The following ATP13A5 variants were observed in gnomAD, a reference collection of about 807,000 sequenced individuals.
ATP13A5 encodes the protein probable cation-transporting ATPase 13A5.
Under a neutral mutation model 150.2 loss-of-function variants are expected in ATP13A5, and 149 were observed. The ratio of observed to expected loss-of-function variants is 0.99; its 90% confidence interval spans 0.87 to 1.14. The LOEUF (loss-of-function observed/expected upper bound fraction) is 1.14, where lower values mean the gene tolerates loss of function less well. Among genes scored for constraint, ATP13A5 ranks in the 50% most tolerant of loss-of-function variants. ATP13A5 has a pLI of 0.00. For synonymous variants in ATP13A5, 497 were observed against 522.2 expected (o/e 0.95, Z 0.66); for missense variants, 1,383 against 1,449.3 (o/e 0.95, Z 0.74).
Position 193,378,684 on chromosome 3 carries a change from G to A in ATP13A5, c.42C>T (p.Asn14=), listed in dbSNP as rs886341859. The A allele has an allele frequency of 1.2e-6, 2 of 1,613,906 alleles. No homozygotes were observed. The highest frequency in any genetic ancestry group is 1.3e-5 in the African/African-American group (1 of 75,018). ...NSKKDHRALL[N]QGEEDELEVF... is the part of the protein sequence containing the mutation. The stretch of plus-strand genomic sequence containing the variant: ...TCACCAGTTCATCCTCCTCTCCCTG[G>A]TTGAGCAAAGCCCGATGGTCCTTCT... The change falls in exon 1 of 30, where the codon AAC becomes AAT. Residue 14 remains asparagine (N), a synonymous_variant. Coordinates refer to ENST00000342358, the MANE Select transcript of ATP13A5 (RefSeq NM_198505.4).
chr3:193,325,490 T>C (rs1412623096), intron 13 of ATP13A5, among the ~76,000 whole-genome samples: 1 of 152,168 alleles, frequency 6.6e-6, no homozygotes, highest in Non-Finnish European at 1.5e-5. Flanking sequence ...ACTTTTTTCA[T>C]ATTACTTGAA....
chr3:193,293,656 T>G (rs73888243), intron 25 of ATP13A5, among the ~76,000 whole-genome samples: 4,380 of 152,170 alleles, frequency 0.029, 205 homozygotes, highest in African/African-American at 0.1. Context: ...AAGTAGTTGG[T>G]TTACTTTTTA....
chr3:193,338,709 T>C (rs1011293083), intron 9 of ATP13A5, among the ~76,000 whole-genome samples: 2 of 152,162 alleles, frequency 1.3e-5, no homozygotes, highest in African/African-American at 4.8e-5. Context: ...TTTTGTTGTG[T>C]CTCTGCCAGG....
At chr3:193,309,619 G>A (rs748682518) in intron 21 of ATP13A5, among the ~76,000 whole-genome samples, 24 of 152,280 alleles carry the variant, frequency 1.6e-4, no homozygotes, top group South Asian at 6.2e-4. Flanking sequence ...AGCAACATCC[G>A]TCTTGTGTGC....
intron 25 of ATP13A5, among the ~76,000 whole-genome samples, chr3:193,297,102 T>G (rs1174113541): frequency 6.6e-6 from 1 of 152,068 alleles, no homozygotes; most frequent in African/African-American, 2.4e-5. Flanking sequence ...ATCCTGCACA[T>G]GTACCCTGGA....
chr3:193,340,140 T>A (rs758819464), intron 9 of ATP13A5, among the ~76,000 whole-genome samples: 3 of 152,198 alleles, frequency 2.0e-5, no homozygotes, highest in African/African-American at 4.8e-5. Context: ...CATAATCAAC[T>A]GTACATTTGG....
At chr3:193,355,372 G>T (rs962356639) in intron 5 of ATP13A5, among the ~76,000 whole-genome samples, 2 of 152,038 alleles carry the variant, frequency 1.3e-5, no homozygotes, top group Non-Finnish European at 1.5e-5. Context: ...CTCAAGCTCC[G>T]ATAAACCAAG....
chr3:193,342,813 C>T (rs1021505785), intron 9 of ATP13A5, among the ~76,000 whole-genome samples: 1 of 152,164 alleles, frequency 6.6e-6, no homozygotes, highest in Non-Finnish European at 1.5e-5. Flanking sequence ...CACTGTCAGG[C>T]TGCTGGGAGG....
intron 1 of ATP13A5, among the ~76,000 whole-genome samples, chr3:193,375,325 C>G (rs2108587732): frequency 6.6e-6 from 1 of 152,354 alleles, no homozygotes; most frequent in East Asian, 1.9e-4. Flanking sequence ...CAACCCAGGT[C>G]AGCCTGAAGC....
intron 5 of ATP13A5, among the ~76,000 whole-genome samples, chr3:193,355,697 C>T (rs532677033): frequency 4.6e-5 from 7 of 152,322 alleles, no homozygotes; most frequent in Non-Finnish European, 1.0e-4. Flanking sequence ...CGCTCTTTGA[C>T]TTCTTAAGTC....
rs1426611408 is a variant in ATP13A5 at position 193,290,075 on chromosome 3, A to G, written c.2849-16T>C. 3 of 1,585,022 alleles carry G rather than the reference A, an allele frequency of 1.9e-6. No individual in the cohort carries two copies. Among genetic ancestry groups the G allele is most frequent in the African/African-American group, 1.4e-5 (1 of 73,270 alleles). The stretch of plus-strand genomic sequence containing the variant: ...GTTGAACTCACTGAAAGACAAATAC[A>G]TTTTTTTCCTATTACAATCTTATCA... On this transcript the variant is annotated splice_polypyrimidine_tract_variant and intron_variant, in intron 25 of 29. Transcript: ENST00000342358.
chr3:193,340,572 C>T (rs1017082734), intron 9 of ATP13A5, among the ~76,000 whole-genome samples: 1 of 152,178 alleles, frequency 6.6e-6, no homozygotes, highest in Non-Finnish European at 1.5e-5. Context: ...GCCCCACACA[C>T]ATCTCAAATA....
intron 25 of ATP13A5, among the ~76,000 whole-genome samples, chr3:193,292,648 T>A (rs144369638): frequency 6.6e-6 from 1 of 152,102 alleles, no homozygotes; most frequent in Non-Finnish European, 1.5e-5. Flanking sequence ...TAGACCTGAA[T>A]CAAATCCAAA....
intron 25 of ATP13A5, 113 bp from the exon 26 acceptor site, chr3:193,290,172 A>G: frequency 9.3e-7 from 1 of 1,074,214 alleles, no homozygotes; most frequent in Non-Finnish European, 1.3e-6. Context: ...CTAAGCAAAC[A>G]CGAACAGAAG....
In ATP13A5 at chr3:193,362,787, T is replaced by C. The variant is rs189666018; in HGVS notation, c.385-150A>G. The stretch of plus-strand genomic sequence containing the variant: ...TTTCTTTCTTTCTTTCTTTCTTTCT[T>C]TCTTTCTTTCTTTCTTTCTTTCTTT... On this transcript the variant is annotated intron_variant, in intron 3 of 29. Transcript: ENST00000342358. 3.9e-4 allele frequency: 200 copies of C among 514,664 alleles called. 7 individuals carry two copies. Among genetic ancestry groups the C allele is most frequent in the Middle Eastern group, 1.6e-3 (3 of 1,894 alleles). 31.9% of individuals were successfully genotyped at this position (514,664 alleles called of 1,614,324 possible).
chr3:193,290,058 C>T lies in ATP13A5; in HGVS notation c.2850G>A (p.Met950Ile), dbSNP rs1156451107. ...VAITLMVCLT[M>I]SSTHAYPKLA... Reference sequence around the variant, plus strand: ...GCTTTGGGTAGGCATGAGTTGAACTCACTGAAAGACAAATACATTTTTTTC... The same window carrying T: ...GCTTTGGGTAGGCATGAGTTGAACTTACTGAAAGACAAATACATTTTTTTC... The change falls in exon 26 of 30, where the codon ATG becomes ATA. Residue 950 changes from methionine to isoleucine, a missense_variant and splice_region_variant. By Grantham distance (10) the Met-to-Ile change is conservative. Around this residue, in one of 3 missense-constraint regions of ATP13A5, gnomAD observed 568 missense variants for 621.5 expected, o/e 0.91. Coordinates refer to ENST00000342358, the MANE Select transcript of ATP13A5 (RefSeq NM_198505.4). 1 of 1,591,834 alleles carries T rather than the reference C, an allele frequency of 6.3e-7. No individual in the cohort carries two copies. The highest frequency in any genetic ancestry group is 1.8e-5 in the Admixed American group (1 of 54,060).
chr3:193,304,457 T>TATTCTGATGCACCAAA (rs1218305835), intron 23 of ATP13A5, among the ~76,000 whole-genome samples: 1 of 152,206 alleles, frequency 6.6e-6, no homozygotes, highest in Admixed American at 6.5e-5. Context: ...GTGACCTGTT[T>TATTCTGATGCACCAAA]ATTCTGATGC....
chr3:193,344,893 TG>T, intron 8 of ATP13A5, 109 bp downstream of exon 8: 1 of 1,122,100 alleles, frequency 8.9e-7, no homozygotes, highest in Non-Finnish European at 1.3e-6. Flanking sequence ...GTCCCAGTTC[TG>T]GGTTCAATCT....
intron 5 of ATP13A5, among the ~76,000 whole-genome samples, chr3:193,357,498 A>G (rs2108896511): frequency 6.6e-6 from 1 of 152,294 alleles, no homozygotes; most frequent in Non-Finnish European, 1.5e-5. Context: ...CAGTTTCAGC[A>G]CAAGCCAAGC....
Sources: allele counts gnomAD v4.1 joint callset (sites outside exome capture counted in the v4.1 genomes callset), GRCh38; gene constraint gnomAD v4.1.1; regional missense constraint gnomAD v4.1.1; transcripts MANE v1.5; gene names NCBI Gene and HGNC (gene_info 2026-07-23, HGNC 2026-07-21).